EIF4G3: variants seen among roughly 807,000 people sequenced by gnomAD.
The protein encoded by EIF4G3 is eukaryotic translation initiation factor 4 gamma 3.
Under a neutral mutation model 186.4 loss-of-function variants are expected in EIF4G3, and 34 were observed. The ratio of observed to expected loss-of-function variants is 0.18; its 90% confidence interval spans 0.14 to 0.24. The LOEUF is 0.24. Among genes scored for constraint, EIF4G3 ranks in the 10% least tolerant of loss-of-function variants. EIF4G3 has a pLI of 1.00. For synonymous variants in EIF4G3, 673 were observed against 679.5 expected, an observed-to-expected ratio of 0.99 and a Z score of 0.15; for missense variants, 1,536 against 1,948.5, an observed-to-expected ratio of 0.79 and a Z score of 3.99.
chr1:21,162,734 C>T (rs1220715970), intron 2 of EIF4G3, among the ~76,000 whole-genome samples: 5 of 131,172 alleles, frequency 3.8e-5, no homozygotes, highest in Non-Finnish European at 6.4e-5. Context: ...GGGGACAGAG[C>T]GAGACTCCAT....
intron 26 of EIF4G3, 143 bp from the exon 27 acceptor site, chr1:20,853,820 T>C (rs2074078840): frequency 1.6e-6 from 1 of 618,952 alleles, no homozygotes; most frequent in Non-Finnish European, 2.9e-6. Context: ...CCCTCTACCA[T>C]ATTCTGAGAA....
At chr1:20,853,756 T>C in intron 26 of EIF4G3, 79 bp from the exon 27 acceptor site, 1 of 1,063,416 alleles carries the variant, frequency 9.4e-7, no homozygotes, top group South Asian at 1.4e-5. Flanking sequence ...CATCCCTAGG[T>C]GAGGCCTGAG....
In EIF4G3 at chr1:21,089,211, A is replaced by G. The variant is rs1193733890; in HGVS notation, c.-269T>C. ...AGGTTGTTGCACAGGTCCTCTAGGAATTCTAGAAGAGCGAGTTAAGGATAA... is the reference window on the plus strand; with the variant it reads ...AGGTTGTTGCACAGGTCCTCTAGGAGTTCTAGAAGAGCGAGTTAAGGATAA... On this transcript the variant is annotated splice_region_variant and 5_prime_UTR_variant, in exon 3 of 37. Coordinates refer to ENST00000602326, the MANE Select transcript of EIF4G3 (RefSeq NM_001391906.1). The G allele has an allele frequency of 1.4e-6, 1 of 717,302 alleles. No individual in the cohort carries two copies. Among genetic ancestry groups the G allele is most frequent in the South Asian group, 1.5e-5 (1 of 67,552 alleles). 44.4% of individuals were successfully genotyped at this position (717,302 alleles called of 1,614,324 possible).
At chr1:20,945,787 A>C (rs936134028) in intron 13 of EIF4G3, among the ~76,000 whole-genome samples, 4 of 152,066 alleles carry the variant, frequency 2.6e-5, no homozygotes, top group African/African-American at 9.7e-5. Context: ...ATCTGGCAAG[A>C]ATTTGTTTGT....
intron 2 of EIF4G3, among the ~76,000 whole-genome samples, chr1:21,094,331 C>T (rs895561356): frequency 2.4e-4 from 37 of 151,912 alleles, no homozygotes; most frequent in Middle Eastern, 6.8e-3. Context: ...ACGTTTATTG[C>T]GGCACAATTC....
intron 4 of EIF4G3, among the ~76,000 whole-genome samples, chr1:21,016,850 T>A (rs552958373): frequency 6.6e-6 from 1 of 152,086 alleles, no homozygotes; most frequent in African/African-American, 2.4e-5. Context: ...GCACCTGTAG[T>A]CCTAGCTACT....
chr1:20,829,363 T>C, intron 30 of EIF4G3, 91 bp from the exon 31 acceptor site: 1 of 1,415,006 alleles, frequency 7.1e-7, no homozygotes, highest in Non-Finnish European at 9.8e-7. Context: ...AACAAATACA[T>C]ATTAATCACC....
At chr1:20,867,875 C>T (rs2077952252) in intron 20 of EIF4G3, among the ~76,000 whole-genome samples, 1 of 152,088 alleles carries the variant, frequency 6.6e-6, no homozygotes, top group African/African-American at 2.4e-5. Flanking sequence ...CAGATATATT[C>T]ACATGGAAGT....
rs2073778521 is a variant in EIF4G3 at position 20,963,049 on chromosome 1, G to A, written c.714+6425C>T. ...TTACAGGCGTGCACCACCATGTCCA[G>A]ATTGCATATTTGTGTCTGTTGACAC... On this transcript the variant is annotated intron_variant, in intron 12 of 36. Transcript: ENST00000602326. Among the ~76,000 whole-genome samples, 3 of 151,686 alleles carry A rather than the reference G, an allele frequency of 2.0e-5. No individual in the cohort carries two copies. In the South Asian group the frequency reaches 6.2e-4, roughly 31 times the overall value.
chr1:20,817,294 AAAAATTCATG>A, intron 34 of EIF4G3, 88 bp downstream of exon 34: 5 of 475,040 alleles, frequency 1.1e-5, no homozygotes, highest in Non-Finnish European at 1.6e-5. Flanking sequence ...AAATAAAAAT[AAAAATTCATG>A]AAGTGAACTG....
intron 10 of EIF4G3, among the ~76,000 whole-genome samples, chr1:20,977,308 TC>T (rs1172848190): frequency 6.6e-6 from 1 of 152,014 alleles, no homozygotes; most frequent in Non-Finnish European, 1.5e-5. Flanking sequence ...TGCCTCAGCC[TC>T]CCGAGTAGCT....
intron 4 of EIF4G3, among the ~76,000 whole-genome samples, chr1:21,021,444 G>C (rs2090656523): frequency 6.6e-6 from 1 of 152,196 alleles, no homozygotes. Context: ...AGCAGATTAT[G>C]ATTATTATGT....
rs1471121881 is a variant in EIF4G3, at chr1:21,007,538, C to CAAAAAAAAAA, written c.-66-4731_-66-4730insTTTTTTTTTT. On this transcript the variant is annotated intron_variant, in intron 4 of 36. Coordinates refer to ENST00000602326, the MANE Select transcript of EIF4G3 (RefSeq NM_001391906.1). ...CTTAAAAAAAAAAAAAAAAAAAAAA[C>CAAAAAAAAAA]ACACTCAAAAACAAAAAAACTGGAA... 1.2e-4 allele frequency among the ~76,000 whole-genome samples: 7 copies of CAAAAAAAAAA among 58,514 alleles called. 1 individual carries two copies. The highest frequency in any genetic ancestry group is 6.2e-4 in the East Asian group (1 of 1,608). The allele number at this position is 58,514 out of a possible 152,430, so 38.4% of individuals were successfully genotyped here.
At position 20,851,234 on chromosome 1, in the gene EIF4G3, ATCTGTT is replaced by A; in HGVS notation, c.3772+18_3772+23del. The A allele has an allele frequency of 1.9e-6, 3 of 1,606,422 alleles. No homozygotes were observed. Among genetic ancestry groups the A allele is most frequent in the Non-Finnish European group, 2.6e-6 (3 of 1,175,014 alleles). The stretch of plus-strand genomic sequence containing the variant: ...TTCCAAATTTAAAACCCAAATCTGC[ATCTGTT>A]TAAGCCAAGTCTCTCACCTGACTCC... On this transcript the variant is annotated intron_variant, in intron 28 of 36. Transcript: ENST00000602326.
chr1:21,103,105 C>T (rs572950525), intron 2 of EIF4G3, among the ~76,000 whole-genome samples: 1 of 152,266 alleles, frequency 6.6e-6, no homozygotes, highest in South Asian at 2.1e-4. Context: ...CTCACTAAAG[C>T]TCCTTAATGC....
intron 10 of EIF4G3, among the ~76,000 whole-genome samples, chr1:20,974,335 T>C (rs2076429588): frequency 6.6e-6 from 1 of 152,146 alleles, no homozygotes. Flanking sequence ...TCCATGTCTA[T>C]TAGAGGTCAC....
At chr1:20,974,089 G>A (rs1422067915) in intron 10 of EIF4G3, among the ~76,000 whole-genome samples, 1 of 152,106 alleles carries the variant, frequency 6.6e-6, no homozygotes, top group East Asian at 1.9e-4. Flanking sequence ...AATAGAGTTT[G>A]GGGCAGAAAA....
intron 2 of EIF4G3, among the ~76,000 whole-genome samples, chr1:21,140,474 T>C (rs2097318780): frequency 6.6e-6 from 1 of 152,172 alleles, no homozygotes; most frequent in Non-Finnish European, 1.5e-5. Context: ...CCACCATGCA[T>C]GGCTAATTTC....
intron 3 of EIF4G3, among the ~76,000 whole-genome samples, chr1:21,066,097 C>T (rs1322667733): frequency 1.3e-5 from 2 of 152,038 alleles, no homozygotes; most frequent in African/African-American, 4.8e-5. Context: ...GAGGTCAAGG[C>T]TGCAGTGAGC....
Sources: gnomAD v4.1 joint callset for allele counts (sites outside exome capture counted in the v4.1 genomes callset) on GRCh38, gnomAD v4.1.1 for gene constraint, MANE v1.5 for transcripts, NCBI Gene and HGNC (gene_info 2026-07-23, HGNC 2026-07-21) for gene names.